Variants in WIZ observed in about 807,000 individuals in gnomAD.
WIZ encodes WIZ zinc finger.
Under a neutral mutation model 140.2 loss-of-function variants are expected in WIZ, and 25 were observed. The observed-to-expected ratio is 0.18, with a 90% confidence interval of 0.13 to 0.25. The LOEUF is 0.25. WIZ is among the 10% of genes least tolerant of loss of function. The pLI is 1.00. For synonymous variants in WIZ, 1,125 were observed against 1,154.3 expected (o/e 0.97, Z 0.51); for missense variants, 2,231 against 2,632.6 (o/e 0.85, Z 3.34).
At chr19:15,435,782 A>G (rs1969496058) in intron 5 of WIZ, among the ~76,000 whole-genome samples, 1 of 151,742 alleles carries the variant, frequency 6.6e-6, no homozygotes, top group Non-Finnish European at 1.5e-5. Flanking sequence ...AGATCGCACC[A>G]CTGCATTCCA....
chr19:15,426,354 G>A (rs1426574450), intron 9 of WIZ, among the ~76,000 whole-genome samples: 1 of 152,150 alleles, frequency 6.6e-6, no homozygotes, highest in Non-Finnish European at 1.5e-5. Context: ...TGAACACAGT[G>A]CTGGTGTGAC....
At chr19:15,437,259 C>G in intron 4 of WIZ, 130 bp from the exon 5 acceptor site, 1 of 845,894 alleles carries the variant, frequency 1.2e-6, no homozygotes, top group South Asian at 2.0e-5. Context: ...CTCCTGCCTG[C>G]TCCTCAGCTC....
chr19:15,426,936 G>A, intron 9 of WIZ, 46 bp downstream of exon 9: 7 of 1,555,764 alleles, frequency 4.5e-6, no homozygotes, highest in Non-Finnish European at 6.1e-6. Context: ...GCAGGGAGGA[G>A]ACCCCTCCAA....
At chr19:15,436,772 T>TG (rs775778472) in intron 5 of WIZ, 34 bp downstream of exon 5, 1 of 1,513,248 alleles carries the variant, frequency 6.6e-7, no homozygotes, top group Non-Finnish European at 8.8e-7. Context: ...CTGGGAAGGA[T>TG]GGGGCTCCAG....
Position 15,424,169 on chromosome 19 carries a change from C to G in WIZ, c.5510+14G>C. 6.7e-7 allele frequency: 1 copy of G among 1,497,904 alleles called. No individual in the cohort carries two copies. Among genetic ancestry groups the G allele is most frequent in the Non-Finnish European group, 8.9e-7 (1 of 1,124,680 alleles). The allele number at this position is 1,497,904 out of a possible 1,614,324, so 92.8% of individuals were successfully genotyped here. A position where few individuals can be genotyped will look rare whatever the true frequency, so the allele number is the denominator to read the frequency against. ...ACTCAGGTGGTCTCCCTCCCTCCCC[C>G]AGGGGCAGCCTACCTGCATTTGAGG... On this transcript the variant is annotated intron_variant, in intron 12 of 12. Transcript: ENST00000673675. The surrounding 1 kb of genome is among the most constrained non-coding windows in gnomAD (Gnocchi z 9.7).
rs758589551 is a variant in WIZ at position 15,440,100 on chromosome 19, G to A, written c.894C>T (p.Ala298=). The A allele has an allele frequency of 5.5e-5, 84 of 1,534,402 alleles. No homozygotes were observed. The highest frequency in any genetic ancestry group is 4.5e-4 in the African/African-American group (33 of 73,078). The change falls in exon 4 of 13, where the codon GCC becomes GCT. Residue 298 remains alanine (A), a synonymous_variant. Coordinates refer to ENST00000673675, the MANE Select transcript of WIZ (RefSeq NM_001371589.1). This position sits in a 1 kb window ranked among gnomAD's most constrained non-coding sequence, Gnocchi z 6.2. ...CCTCATCTGGGCTGGCCACCCCTTCGGCCACCTCCTCCAGCAGCTCACACA... is the reference window on the plus strand; with the variant it reads ...CCTCATCTGGGCTGGCCACCCCTTCAGCCACCTCCTCCAGCAGCTCACACA... The part of the protein sequence containing the change: ...PYLCELLEEV[A]EGVASPDEDE...
chr19:15,429,642 G>T lies in WIZ; in HGVS notation c.3359C>A (p.Pro1120Gln), dbSNP rs536601218. The change falls in exon 7 of 13, where the codon CCG becomes CAG. Residue 1120 changes from proline (P) to glutamine (Q), a missense_variant. This residue lies in a region of WIZ where 163 missense variants were observed against 166.8 expected (regional missense o/e 0.98). Coordinates refer to ENST00000673675, the MANE Select transcript of WIZ (RefSeq NM_001371589.1). ...KSPQLSLSPR[P>Q]ASPKAQWPQS... ...AGGCCACTGTGCCTTTGGGGAGGCC[G>T]GCCGGGGGCTCAGGGACAGCTGGGG... 2.1e-6 allele frequency: 3 copies of T among 1,417,978 alleles called. No individual in the cohort carries two copies. The Admixed American group carries it at 9.0e-5, about 42-fold the overall frequency. 87.8% of individuals were successfully genotyped at this position (1,417,978 alleles called of 1,614,324 possible).
intron 12 of WIZ, 89 bp from the exon 13 acceptor site, chr19:15,423,324 G>T: frequency 6.7e-7 from 1 of 1,492,036 alleles, no homozygotes. Context: ...CACACCTGCT[G>T]CTACTCAGTG....
Position 15,438,820 on chromosome 19 carries a change from G to T in WIZ, c.2174C>A (p.Pro725Gln). The T allele has an allele frequency of 6.6e-7, 1 of 1,506,152 alleles. No individual in the cohort carries two copies. The highest frequency in any genetic ancestry group is 8.9e-7 in the Non-Finnish European group (1 of 1,125,680). 93.3% of individuals were successfully genotyped at this position (1,506,152 alleles called of 1,614,324 possible). A position where few individuals can be genotyped will look rare whatever the true frequency, so the allele number is the denominator to read the frequency against. Residue 725 changes from proline (P) to glutamine (Q), a missense_variant, in exon 4 of 13, where the codon CCG (proline) becomes CAG (glutamine). Pro to Gln is a moderately conservative substitution (Grantham distance 76). This residue lies in a region of WIZ where 118 missense variants were observed against 209.1 expected (regional missense o/e 0.56). Coordinates refer to ENST00000673675, the MANE Select transcript of WIZ (RefSeq NM_001371589.1). ...GTCCAGCCCCAGCGGGCCGCCCAGC[G>T]GCGCGTCCAGGAGCAGGAAGTCCAG... ...HPLDFLLLDA[P>Q]LGGPLGLDTL...
At chr19:15,447,424 C>T (rs925551773) in intron 2 of WIZ, among the ~76,000 whole-genome samples, 1 of 152,238 alleles carries the variant, frequency 6.6e-6, no homozygotes, top group Non-Finnish European at 1.5e-5. Flanking sequence ...ACTACCTGTC[C>T]TTCTGATATT....
chr19:15,449,762 C>G (rs1472305818), intron 1 of WIZ, 36 bp downstream of exon 1: 1 of 146,340 alleles, frequency 6.8e-6, no homozygotes, highest in East Asian at 2.0e-4. Flanking sequence ...CGGCTCCGCC[C>G]CACCCGCGGG....
chr19:15,440,304 G>A lies in WIZ; in HGVS notation c.690C>T (p.Asp230=). The change falls in exon 4 of 13, where the codon GAC becomes GAT. Residue 230 remains aspartate (D), a synonymous_variant. Transcript: ENST00000673675. The surrounding 1 kb of genome is among the most constrained non-coding windows in gnomAD (Gnocchi z 6.2). The part of the protein sequence containing the change: ...VPVEDTPKTL[D]MAVVGGREDL... ...CTTCTCTGCCACCCACCACCGCCAT[G>A]TCCAGCGTCTTCGGGGTGTCTTCCA... The A allele has an allele frequency of 6.6e-7, 1 of 1,509,472 alleles. No individual in the cohort carries two copies. Among genetic ancestry groups the A allele is most frequent in the Non-Finnish European group, 8.8e-7 (1 of 1,131,718 alleles). 93.5% of individuals were successfully genotyped at this position (1,509,472 alleles called of 1,614,324 possible).
At position 15,425,716 on chromosome 19, in the gene WIZ, G is replaced by A. The variant is rs776041325; in HGVS notation, c.4419C>T (p.Phe1473=). 2.4e-5 allele frequency: 39 copies of A among 1,611,666 alleles called. No individual in the cohort carries two copies. The highest frequency in any genetic ancestry group is 2.4e-4 in the South Asian group (22 of 90,992). The change falls in exon 10 of 13, where the codon TTC becomes TTT. Residue 1473 remains phenylalanine (F), a synonymous_variant. Coordinates refer to ENST00000673675, the MANE Select transcript of WIZ (RefSeq NM_001371589.1). ...TCGACAGGCCCTTGCGGTTCTCGAAGAACTCGCCGCAGAACTCACAGCGGA... is the reference window on the plus strand; with the variant it reads ...TCGACAGGCCCTTGCGGTTCTCGAAAAACTCGCCGCAGAACTCACAGCGGA... ...RDIRCEFCGE[F]FENRKGLSSH...
In WIZ at chr19:15,448,373, G is replaced by T; in HGVS notation, c.-60-6C>A. ...CTCAGCGGGGCATTGTGGGCCTGGG[G>T]ATAGAGAGAAGGAAGTGCTTAGGGG... On this transcript the variant is annotated splice_region_variant and splice_polypyrimidine_tract_variant and intron_variant, in intron 1 of 12. Transcript: ENST00000673675. 1.3e-6 allele frequency: 2 copies of T among 1,584,324 alleles called. No individual in the cohort carries two copies. The highest frequency in any genetic ancestry group is 1.7e-6 in the Non-Finnish European group (2 of 1,168,168).
chr19:15,428,052 C>A lies in WIZ; in HGVS notation c.3814+58G>T, dbSNP rs998495994. 4 of 1,516,816 alleles carry A rather than the reference C, an allele frequency of 2.6e-6. No individual in the cohort carries two copies. Among genetic ancestry groups the A allele is most frequent in the Middle Eastern group, 2.3e-4 (1 of 4,316 alleles). The allele number at this position is 1,516,816 out of a possible 1,614,324, so 94.0% of individuals were successfully genotyped here. On this transcript the variant is annotated intron_variant, in intron 8 of 12. Coordinates refer to ENST00000673675, the MANE Select transcript of WIZ (RefSeq NM_001371589.1). The surrounding 1 kb of genome is among the most constrained non-coding windows in gnomAD (Gnocchi z 6.4). ...AGCAGGGAGGGGGCTGTGACCCCCCCCCCGGGAGGGGCTCCAGGGCCCGCA... is the reference window on the plus strand; with the variant it reads ...AGCAGGGAGGGGGCTGTGACCCCCCACCCGGGAGGGGCTCCAGGGCCCGCA...
Position 15,440,460 on chromosome 19 carries a change from G to A in WIZ, c.534C>T (p.Ala178=), listed in dbSNP as rs1023967241. 4.6e-6 allele frequency: 7 copies of A among 1,535,978 alleles called. No homozygotes were observed. The African/African-American group carries it at 9.6e-5, about 21-fold the overall frequency. Residue 178 remains alanine, a synonymous_variant, in exon 4 of 13, where the codon GCC becomes GCT. Coordinates refer to ENST00000673675, the MANE Select transcript of WIZ (RefSeq NM_001371589.1). This position sits in a 1 kb window ranked among gnomAD's most constrained non-coding sequence, Gnocchi z 6.2. ...RGEPRLLEKH[A]QGRPRFDWLQ... is the part of the protein sequence containing the mutation. ...GCCAGTCGAACCTGGGGCGGCCCTGGGCATGTTTCTCCAAAAGCCTTGGTT... is the reference window on the plus strand; with the variant it reads ...GCCAGTCGAACCTGGGGCGGCCCTGAGCATGTTTCTCCAAAAGCCTTGGTT...
In WIZ at chr19:15,424,952, G is replaced by T; in HGVS notation, c.4975C>A (p.Arg1659=). 6.2e-7 allele frequency: 1 copy of T among 1,608,678 alleles called. No individual in the cohort carries two copies. The part of the protein sequence containing the change: ...ALASHARAHL[R]QFGVTEWCVN... The stretch of plus-strand genomic sequence containing the variant: ...CACCACTCGGTCACGCCGAACTGCC[G>T]CAGGTGTGCCCGTGCGTGGCTGGCC... Residue 1659 remains arginine, a synonymous_variant, in exon 11 of 13, where the codon CGG becomes AGG. Coordinates refer to ENST00000673675, the MANE Select transcript of WIZ (RefSeq NM_001371589.1). The surrounding 1 kb of genome is among the most constrained non-coding windows in gnomAD (Gnocchi z 9.7).
rs565856142 is a variant in WIZ at position 15,421,003 on chromosome 19, C to G, written c.*2073G>C. On this transcript the variant is annotated 3_prime_UTR_variant, in exon 13 of 13. Coordinates refer to ENST00000673675, the MANE Select transcript of WIZ (RefSeq NM_001371589.1). ...TGGTGGTGCATGCCTGTGATCCCAG[C>G]TACCTGGATGGCTGAGGCAGGAGAA... 2.0e-5 allele frequency: 3 copies of G among 152,324 alleles called. No individual in the cohort carries two copies. The highest frequency in any genetic ancestry group is 2.0e-4 in the Admixed American group (3 of 15,296). The allele number at this position is 152,324 out of a possible 1,614,324, so 9.4% of individuals were successfully genotyped here.
At chr19:15,430,111 G>C in intron 6 of WIZ, 22 bp from the exon 7 acceptor site, 1 of 1,494,542 alleles carries the variant, frequency 6.7e-7, no homozygotes, top group Non-Finnish European at 8.9e-7. Flanking sequence ...CACAGAGGCC[G>C]GGAGAGCAGG....
Sources: allele counts gnomAD v4.1 joint callset (sites outside exome capture counted in the v4.1 genomes callset), GRCh38; gene constraint gnomAD v4.1.1; regional missense constraint gnomAD v4.1.1; non-coding constraint Gnocchi (gnomAD v3.1); transcripts MANE v1.5; gene names NCBI Gene and HGNC (gene_info 2026-07-23, HGNC 2026-07-21).